PPP1R9B: variants seen among roughly 807,000 people sequenced by gnomAD.
PPP1R9B encodes the protein neurabin-2.
In PPP1R9B, 17 loss-of-function variants were observed where a neutral mutation model predicts 75.8. That is an observed-to-expected ratio of 0.22 (90% CI 0.15 to 0.34). The LOEUF is 0.34. Ranked by LOEUF, PPP1R9B falls within the 10% of genes least tolerant of loss-of-function variation. The probability of loss-of-function intolerance (pLI) is 1.00; values close to 1 mark genes in which losing one functional copy is unlikely to be tolerated. For synonymous variants in PPP1R9B, 509 were observed against 535.4 expected (o/e 0.95, Z 0.68); for missense variants, 875 against 1,196.0 (o/e 0.73, Z 3.96).
chr17:50,139,977 G>T lies in PPP1R9B; in HGVS notation c.1866+116C>A. On this transcript the variant is annotated intron_variant, in intron 5 of 9. Coordinates refer to ENST00000612501, the MANE Select transcript of PPP1R9B (RefSeq NM_032595.5). This position sits in a 1 kb window ranked among gnomAD's most constrained non-coding sequence, Gnocchi z 5.0. Reference sequence around the variant, plus strand: ...ACAAAGAGTGTGACTGGAGGACAGGGAATGGCACTGTGGGCTTTTTACTAG... The same window carrying T: ...ACAAAGAGTGTGACTGGAGGACAGGTAATGGCACTGTGGGCTTTTTACTAG... The T allele has an allele frequency of 1.7e-6, 2 of 1,143,644 alleles. No homozygotes were observed. The highest frequency in any genetic ancestry group is 2.5e-5 in the East Asian group (1 of 39,636). 70.8% of individuals were successfully genotyped at this position (1,143,644 alleles called of 1,614,324 possible).
rs771858748 is a variant in PPP1R9B at position 50,145,185 on chromosome 17, C to T, written c.1432G>A (p.Ala478Thr). The T allele has an allele frequency of 1.2e-6, 2 of 1,613,908 alleles. No individual in the cohort carries two copies. Among genetic ancestry groups the T allele is most frequent in the African/African-American group, 2.7e-5 (2 of 74,948 alleles). ...TCCAGCTCGTACTCAGCAGAGGCTGCCATGGGATCCACATCCTCGTTGCGA... is the reference window on the plus strand; with the variant it reads ...TCCAGCTCGTACTCAGCAGAGGCTGTCATGGGATCCACATCCTCGTTGCGA... ...DRRNEDVDPM[A>T]ASAEYELEKR... Residue 478 changes from alanine (A) to threonine (T), a missense_variant, in exon 2 of 10, where the codon GCA becomes ACA. Coordinates refer to ENST00000612501, the MANE Select transcript of PPP1R9B (RefSeq NM_032595.5).
Position 50,135,990 on chromosome 17 carries a change from G to A in PPP1R9B, c.2281C>T (p.Leu761Phe). ...LERKYSKAKR[L>F]IKDYQQKEIE... ...TACTTCTGCTGGTAGTCCTTGATGA[G>A]GCGCTTGGCCTTGCTGTACTTGCGC... The change falls in exon 8 of 10, where the codon CTC (leucine) becomes TTC (phenylalanine). Residue 761 changes from leucine to phenylalanine, a missense_variant. Leu to Phe is a conservative substitution (Grantham distance 22). Transcript: ENST00000612501. The A allele has an allele frequency of 6.3e-7, 1 of 1,581,104 alleles. No homozygotes were observed. Among genetic ancestry groups the A allele is most frequent in the Non-Finnish European group, 8.6e-7 (1 of 1,162,942 alleles).
chr17:50,139,353 G>A lies in PPP1R9B; in HGVS notation c.2020-37C>T. ...AGGGGCAGGCACTCAGCTCCAGCAG[G>A]GTGGGGCAGGCAGTGCCAAGGGCAG... is the stretch of plus-strand genomic sequence containing the variant. On this transcript the variant is annotated intron_variant, in intron 6 of 9. Coordinates refer to ENST00000612501, the MANE Select transcript of PPP1R9B (RefSeq NM_032595.5). The surrounding 1 kb of genome is among the most constrained non-coding windows in gnomAD (Gnocchi z 5.0). 1 of 1,613,876 alleles carries A rather than the reference G, an allele frequency of 6.2e-7. No individual in the cohort carries two copies. Among genetic ancestry groups the A allele is most frequent in the East Asian group, 2.2e-5 (1 of 44,888 alleles).
rs971210129 is a variant in PPP1R9B at position 50,134,508 on chromosome 17, A to C, written c.*823T>G. The C allele has an allele frequency of 6.6e-6, 1 of 152,630 alleles. No homozygotes were observed. Among genetic ancestry groups the C allele is most frequent in the African/African-American group, 2.4e-5 (1 of 41,418 alleles). 9.5% of individuals were successfully genotyped at this position (152,630 alleles called of 1,614,324 possible). A position where few individuals can be genotyped will look rare whatever the true frequency, so the allele number is the denominator to read the frequency against. The stretch of plus-strand genomic sequence containing the variant: ...TTCCTCCCTGGCATTCCCAGGCTTG[A>C]CCAGGAAACCTGGACCCCAGAGAGG... On this transcript the variant is annotated 3_prime_UTR_variant, in exon 10 of 10. Coordinates refer to ENST00000612501, the MANE Select transcript of PPP1R9B (RefSeq NM_032595.5).
intron 1 of PPP1R9B, among the ~76,000 whole-genome samples, chr17:50,145,640 GAC>G (rs2144452899): frequency 6.6e-6 from 1 of 152,140 alleles, no homozygotes; most frequent in Non-Finnish European, 1.5e-5. Flanking sequence ...CACAAAGACA[GAC>G]ACAGAGAGGA....
intron 7 of PPP1R9B, among the ~76,000 whole-genome samples, chr17:50,138,308 T>A (rs192416407): frequency 5.1e-4 from 78 of 152,270 alleles, no homozygotes; most frequent in African/African-American, 1.8e-3. Context: ...TCGATGGCCA[T>A]GCCTGTGTGT....
At chr17:50,147,256 G>A (rs1305257383) in intron 1 of PPP1R9B, among the ~76,000 whole-genome samples, 1 of 152,240 alleles carries the variant, frequency 6.6e-6, no homozygotes, top group Non-Finnish European at 1.5e-5. Flanking sequence ...CCCTAGGGGA[G>A]GTCCCACCTC....
chr17:50,139,614 C>A lies in PPP1R9B; in HGVS notation c.1867-33G>T. On this transcript the variant is annotated intron_variant, in intron 5 of 9. Transcript: ENST00000612501. The surrounding 1 kb of genome is among the most constrained non-coding windows in gnomAD (Gnocchi z 5.0). ...GGGAGACCGGAGACTGTGGGCCCAC[C>A]CCACCCAGCTGCCCTCAGCCCTGAT... The A allele has an allele frequency of 6.6e-7, 1 of 1,520,570 alleles. No individual in the cohort carries two copies. 94.2% of individuals were successfully genotyped at this position (1,520,570 alleles called of 1,614,324 possible).
At chr17:50,135,673 G>C (rs781203055) in intron 8 of PPP1R9B, 24 bp from the exon 9 acceptor site, 2 of 1,569,750 alleles carry the variant, frequency 1.3e-6, no homozygotes, top group South Asian at 2.3e-5. Context: ...AGGGACAGAT[G>C]GCAGGTAAGG....
chr17:50,145,364 G>A, intron 1 of PPP1R9B, 119 bp from the exon 2 acceptor site: 3 of 1,292,348 alleles, frequency 2.3e-6, no homozygotes, highest in Non-Finnish European at 3.3e-6. Flanking sequence ...ATAGCCCTGA[G>A]ATGAGGCCTC....
At chr17:50,145,298 C>T (rs778485311) in intron 1 of PPP1R9B, 53 bp from the exon 2 acceptor site, 711 of 1,607,238 alleles carry the variant, frequency 4.4e-4, no homozygotes, top group Non-Finnish European at 5.8e-4. Context: ...AAGTGCAGAA[C>T]TGGCATGAGG....
rs946760468 is a variant in PPP1R9B at position 50,147,232 on chromosome 17, G to A, written c.1371+1911C>T. Among the ~76,000 whole-genome samples, 6 of 152,324 alleles carry A rather than the reference G, an allele frequency of 3.9e-5. No individual in the cohort carries two copies. The East Asian group carries it at 5.8e-4, about 15-fold the overall frequency. ...CTCGGGCTGCCCACCATGATATGCC[G>A]GTCTAGCAGAGGGCCCTAGGGGAGG... On this transcript the variant is annotated intron_variant, in intron 1 of 9. Transcript: ENST00000612501.
chr17:50,147,249 T>C (rs531143046), intron 1 of PPP1R9B, among the ~76,000 whole-genome samples: 131 of 152,270 alleles, frequency 8.6e-4, no homozygotes, highest in South Asian at 6.6e-3. Context: ...CAGAGGGCCC[T>C]AGGGGAGGTC....
intron 1 of PPP1R9B, among the ~76,000 whole-genome samples, chr17:50,147,210 G>A (rs1044241574): frequency 1.6e-4 from 25 of 152,114 alleles, no homozygotes; most frequent in African/African-American, 5.6e-4. Flanking sequence ...ACCCCTCCTC[G>A]GGCTGCCCAC....
chr17:50,141,408 G>A (rs1279672160), intron 3 of PPP1R9B, 35 bp from the exon 4 acceptor site: 2 of 1,446,978 alleles, frequency 1.4e-6, no homozygotes, highest in Admixed American at 4.0e-5. Flanking sequence ...GGTCACAGGG[G>A]AACCGAGGAG....
At position 50,143,765 on chromosome 17, in the gene PPP1R9B, C is replaced by T. The variant is rs185252077; in HGVS notation, c.1505-47G>A. On this transcript the variant is annotated intron_variant, in intron 2 of 9. Transcript: ENST00000612501. ...GATGGCAGGGCTTGTAGGGGACAGA[C>T]GAGAGACTCTCCACCCCGAATTCCA... 81 of 1,607,824 alleles carry T rather than the reference C, an allele frequency of 5.0e-5. No homozygotes were observed. In the African/African-American group the frequency reaches 5.3e-4, roughly 11 times the overall value.
chr17:50,140,019 G>C (rs1299585325), intron 5 of PPP1R9B, 74 bp downstream of exon 5: 4 of 1,518,394 alleles, frequency 2.6e-6, no homozygotes, highest in Non-Finnish European at 3.6e-6. Context: ...GGAAGCAGTA[G>C]AGGCAGATGA....
intron 2 of PPP1R9B, 46 bp from the exon 3 acceptor site, chr17:50,143,764 A>G: frequency 6.2e-7 from 1 of 1,608,074 alleles, no homozygotes; most frequent in Non-Finnish European, 8.5e-7. Flanking sequence ...TAGGGGACAG[A>G]CGAGAGACTC....
intron 1 of PPP1R9B, among the ~76,000 whole-genome samples, chr17:50,148,521 G>C (rs913290763): frequency 4.6e-5 from 7 of 152,244 alleles, no homozygotes; most frequent in Non-Finnish European, 8.8e-5. Context: ...CAGGGAACAC[G>C]GCGCCAGCCA....
Sources: allele counts gnomAD v4.1 joint callset (sites outside exome capture counted in the v4.1 genomes callset), GRCh38; gene constraint gnomAD v4.1.1; non-coding constraint Gnocchi (gnomAD v3.1); transcripts MANE v1.5; gene names NCBI Gene and HGNC (gene_info 2026-07-23, HGNC 2026-07-21).